Variants in LRRC4C observed in about 807,000 individuals in gnomAD.
The protein encoded by LRRC4C is leucine-rich repeat-containing protein 4C.
In LRRC4C, 5 loss-of-function variants were observed where a neutral mutation model predicts 33.6. The ratio of observed to expected loss-of-function variants is 0.15; its 90% CI spans 0.08 to 0.31. The LOEUF (loss-of-function observed/expected upper bound fraction) is 0.31. LRRC4C is among the 10% of genes least tolerant of loss of function. The pLI is 1.00. For synonymous variants in LRRC4C, 329 were observed against 302.0 expected (o/e 1.09, Z -0.93); for missense variants, 560 against 796.7 (o/e 0.70, Z 3.58).
At chr11:40,704,204 T>C (rs772999214) in intron 2 of LRRC4C, among the ~76,000 whole-genome samples, 30 of 152,316 alleles carry the variant, frequency 2.0e-4, no homozygotes, top group Non-Finnish European at 4.0e-4. Flanking sequence ...ACAGGTTATA[T>C]GCAAATACTA....
chr11:41,378,639 G>A (rs1427214314), intron 1 of LRRC4C, among the ~76,000 whole-genome samples: 2 of 152,182 alleles, frequency 1.3e-5, no homozygotes, highest in African/African-American at 4.8e-5. Flanking sequence ...TGGAAACAAA[G>A]ATTTTAATCA....
intron 2 of LRRC4C, among the ~76,000 whole-genome samples, chr11:40,740,938 A>G (rs72896699): frequency 0.01 from 1,559 of 152,162 alleles, 11 homozygotes; most frequent in Non-Finnish European, 0.015. Context: ...CTGTAAAAGT[A>G]TGGATTTATT....
At position 41,281,110 on chromosome 11, in the gene LRRC4C, A is replaced by T. The variant is rs1033528797; in HGVS notation, c.-496+178321T>A. Among the ~76,000 whole-genome samples, 144 of 125,348 alleles carry T rather than the reference A, an allele frequency of 1.1e-3. 1 individual carries two copies. The highest frequency in any genetic ancestry group is 4.4e-3 in the African/African-American group (137 of 30,914). 82.2% of individuals were successfully genotyped at this position (125,348 alleles called of 152,430 possible). A position where few individuals can be genotyped will look rare whatever the true frequency, so the allele number is the denominator to read the frequency against. On this transcript the variant is annotated intron_variant, in intron 1 of 6. Coordinates refer to ENST00000528697, the MANE Select transcript of LRRC4C (RefSeq NM_001258419.2). ...CTCTCTCTCTCTCTCTCTCTCACAC[A>T]CACACACACACACACACACACACAG...
chr11:40,501,053 T>C (rs960194552), intron 3 of LRRC4C, among the ~76,000 whole-genome samples: 1 of 152,186 alleles, frequency 6.6e-6, no homozygotes, highest in African/African-American at 2.4e-5. Context: ...CATGCAAGTC[T>C]GAAATCCACT....
At chr11:40,200,765 CAAAAAAAAAAA>C (rs762650999) in intron 5 of LRRC4C, among the ~76,000 whole-genome samples, 1 of 70,962 alleles carries the variant, frequency 1.4e-5, no homozygotes, top group East Asian at 4.3e-4. Context: ...GACTCCATCT[CAAAAAAAAAAA>C]AAAAAAAAAA....
chr11:40,969,266 T>C (rs575030237), intron 1 of LRRC4C, among the ~76,000 whole-genome samples: 1 of 137,190 alleles, frequency 7.3e-6, no homozygotes, highest in African/African-American at 2.6e-5. Context: ...TTTGAATGGT[T>C]AGGGAGTTGT....
At chr11:41,101,944 A>G (rs770339573) in intron 1 of LRRC4C, among the ~76,000 whole-genome samples, 1 of 152,104 alleles carries the variant, frequency 6.6e-6, no homozygotes, top group Non-Finnish European at 1.5e-5. Flanking sequence ...GAACACAATG[A>G]CACAAAGAGG....
chr11:40,726,258 T>C (rs1014167577), intron 2 of LRRC4C, among the ~76,000 whole-genome samples: 7 of 152,030 alleles, frequency 4.6e-5, no homozygotes, highest in African/African-American at 1.7e-4. Context: ...ACTGAAACTA[T>C]TCCAGAAAAA....
At chr11:40,812,783 CAA>C (rs1253874590) in intron 2 of LRRC4C, among the ~76,000 whole-genome samples, 3 of 151,994 alleles carry the variant, frequency 2.0e-5, no homozygotes, top group African/African-American at 4.8e-5. Flanking sequence ...TTAGAATAAT[CAA>C]AGAGTAAGGC....
chr11:41,173,629 G>A (rs1945071997), intron 1 of LRRC4C, among the ~76,000 whole-genome samples: 1 of 152,076 alleles, frequency 6.6e-6, no homozygotes, highest in South Asian at 2.1e-4. Context: ...GGAGCAAAGA[G>A]CCTCTTGCTT....
At chr11:40,461,178 A>G (rs1952380582) in intron 3 of LRRC4C, among the ~76,000 whole-genome samples, 1 of 152,174 alleles carries the variant, frequency 6.6e-6, no homozygotes, top group Non-Finnish European at 1.5e-5. Context: ...TCAAGAGTAC[A>G]TTATTATTAG....
chr11:40,508,359 CAG>C (rs2138692417), intron 3 of LRRC4C, among the ~76,000 whole-genome samples: 1 of 152,082 alleles, frequency 6.6e-6, no homozygotes, highest in South Asian at 2.1e-4. Flanking sequence ...ACACAAAAAA[CAG>C]AGGTAGACAG....
intron 1 of LRRC4C, among the ~76,000 whole-genome samples, chr11:41,438,125 C>T (rs1367602202): frequency 2.0e-5 from 3 of 151,478 alleles, no homozygotes; most frequent in African/African-American, 7.3e-5. Context: ...GAGTTTACAG[C>T]ACTGGGGAAA....
chr11:41,387,432 G>A (rs898327678), intron 1 of LRRC4C, among the ~76,000 whole-genome samples: 1 of 151,700 alleles, frequency 6.6e-6, no homozygotes, highest in Admixed American at 6.6e-5. Flanking sequence ...CAGATTTGGT[G>A]TTGGCTTAAA....
intron 3 of LRRC4C, among the ~76,000 whole-genome samples, chr11:40,520,629 T>A (rs374251615): frequency 6.6e-6 from 1 of 152,136 alleles, no homozygotes; most frequent in Non-Finnish European, 1.5e-5. Context: ...AGATCAGTAC[T>A]CTAAGAGCAC....
chr11:40,233,227 C>G (rs1470075772), intron 5 of LRRC4C, among the ~76,000 whole-genome samples: 1 of 152,186 alleles, frequency 6.6e-6, no homozygotes, highest in Non-Finnish European at 1.5e-5. Context: ...CTTATGAAGG[C>G]CTATCTTGTG....
intron 3 of LRRC4C, among the ~76,000 whole-genome samples, chr11:40,322,999 C>T (rs1945926493): frequency 6.6e-6 from 1 of 152,150 alleles, no homozygotes. Context: ...CCAGCATTGT[C>T]ATGGTAACTT....
chr11:40,185,510 G>C (rs1861337255), intron 5 of LRRC4C, among the ~76,000 whole-genome samples: 1 of 152,114 alleles, frequency 6.6e-6, no homozygotes, highest in African/African-American at 2.4e-5. Flanking sequence ...TTATAATTTA[G>C]TTAGGCATCT....
chr11:40,382,340 G>A (rs1024481985), intron 3 of LRRC4C, among the ~76,000 whole-genome samples: 7 of 150,826 alleles, frequency 4.6e-5, no homozygotes, highest in Non-Finnish European at 8.9e-5. Flanking sequence ...ATTATTGATG[G>A]CCTTTTCCTT....
Sources: allele counts gnomAD v4.1 joint callset (sites outside exome capture counted in the v4.1 genomes callset), GRCh38; gene constraint gnomAD v4.1.1; transcripts MANE v1.5; gene names NCBI Gene and HGNC (gene_info 2026-07-23, HGNC 2026-07-21).